SSX7: variants seen among roughly 807,000 people sequenced by gnomAD.
SSX7 encodes the protein protein SSX7.
SSX7 carries 15 observed loss-of-function variants against 14.7 expected under a neutral mutation model. The observed-to-expected ratio is 1.02, with a 90% CI of 0.68 to 1.58. The LOEUF is 1.58. Ranked by LOEUF, SSX7 falls within the 40% of genes most tolerant of loss-of-function variation. The pLI, the probability that SSX7 is intolerant of heterozygous loss-of-function variation, is 0.00. For synonymous variants in SSX7, 46 were observed against 50.6 expected (o/e 0.91, Z 0.38); for missense variants, 178 against 146.8 (o/e 1.21, Z -1.10).
At chrX:52,649,559 C>A (rs1484620170) in intron 5 of SSX7, among the ~76,000 whole-genome samples, 2 of 111,941 alleles carry the variant, frequency 1.8e-5, no homozygotes, top group African/African-American at 6.5e-5. Flanking sequence ...TGGGGTCACT[C>A]ATTCAGGGGC....
intron 6 of SSX7, among the ~76,000 whole-genome samples, chrX:52,647,604 C>T (rs1556766478): frequency 8.9e-6 from 1 of 111,818 alleles, no homozygotes; most frequent in African/African-American, 3.2e-5. Context: ...AGCCAGCAGC[C>T]ATCAACACCG....
chrX:52,646,802 G>C (rs1348200720), intron 6 of SSX7, among the ~76,000 whole-genome samples: 2 of 111,703 alleles, frequency 1.8e-5, no homozygotes, highest in African/African-American at 6.5e-5. Context: ...AGGAAGAGTC[G>C]CGTGTCTCAC....
intron 1 of SSX7, among the ~76,000 whole-genome samples, chrX:52,654,537 T>C (rs1166217108): frequency 9.3e-6 from 1 of 107,591 alleles, no homozygotes; most frequent in Non-Finnish European, 1.9e-5. Flanking sequence ...CCGGCCCAAA[T>C]TTGTTAAGTT....
chrX:52,647,077 T>C (rs1235327175), intron 6 of SSX7, among the ~76,000 whole-genome samples: 1 of 112,403 alleles, frequency 8.9e-6, no homozygotes, highest in Non-Finnish European at 1.9e-5. Flanking sequence ...GGATATTTGA[T>C]GAAACCAGCC....
Position 52,652,347 on chromosome X carries a change from C to G in SSX7, c.185G>C (p.Gly62Ala). ...KRKYEAMTKL[G>A]FKATLPPFMH... ...GAAAGGTGGGAGGGTGGCCTTGAAG[C>G]CTAGAAAGAAGCAAAATGTTTATTC... Residue 62 changes from glycine to alanine, a missense_variant and splice_region_variant, in exon 4 of 8, where the codon GGC becomes GCC. Transcript: ENST00000298181. The G allele has an allele frequency of 8.4e-7, 1 of 1,192,783 alleles. No homozygotes were observed. The highest frequency in any genetic ancestry group is 1.1e-6 in the Non-Finnish European group (1 of 879,979).
chrX:52,652,321 T>C lies in SSX7; in HGVS notation c.211A>G (p.Met71Val), dbSNP rs1479032244. 7 of 1,205,188 alleles carry C rather than the reference T, an allele frequency of 5.8e-6. No homozygotes were observed. The highest frequency in any genetic ancestry group is 7.8e-6 in the Non-Finnish European group (7 of 892,795). ...LGFKATLPPF[M>V]HNTGATDLQG... ...AGGTCTGTGGCCCCTGTATTATGCATGAAAGGTGGGAGGGTGGCCTTGAAG... is the reference window on the plus strand; with the variant it reads ...AGGTCTGTGGCCCCTGTATTATGCACGAAAGGTGGGAGGGTGGCCTTGAAG... Residue 71 changes from methionine (M) to valine (V), a missense_variant, in exon 4 of 8, where the codon ATG becomes GTG. Physicochemically the swap from Met to Val is conservative, Grantham distance 21. Transcript: ENST00000298181.
chrX:52,644,830 C>T (rs1236150614), intron 7 of SSX7, among the ~76,000 whole-genome samples, 160 bp from the exon 8 acceptor site: 3 of 111,502 alleles, frequency 2.7e-5, no homozygotes, highest in Admixed American at 1.9e-4. Context: ...GAACCATCCG[C>T]TCATGCCACA....
chrX:52,653,889 G>T (rs1556767391), intron 1 of SSX7, among the ~76,000 whole-genome samples: 1 of 111,267 alleles, frequency 9.0e-6, no homozygotes, highest in Admixed American at 9.7e-5. Flanking sequence ...AATAATGGAA[G>T]GGAAATGAGT....
intron 4 of SSX7, among the ~76,000 whole-genome samples, chrX:52,651,271 T>C (rs1444002860): frequency 2.7e-5 from 3 of 111,902 alleles, no homozygotes; most frequent in Non-Finnish European, 5.6e-5. Context: ...GCGATCTTTA[T>C]TACATAATGT....
chrX:52,648,593 C>T, intron 5 of SSX7, among the ~76,000 whole-genome samples, 197 bp from the exon 6 acceptor site: 1 of 111,696 alleles, frequency 9.0e-6, no homozygotes, highest in Admixed American at 9.6e-5. Context: ...GTTTCCAGGG[C>T]TAGAATGCTT....
In SSX7 at chrX:52,644,509, C is replaced by T; in HGVS notation, c.*166G>A. The T allele has an allele frequency of 2.5e-6, 2 of 815,094 alleles. No homozygotes were observed. The highest frequency in any genetic ancestry group is 3.6e-6 in the Non-Finnish European group (2 of 559,899). 67.2% of individuals were successfully genotyped at this position (815,094 alleles called of 1,213,427 possible). A position where few individuals can be genotyped will look rare whatever the true frequency, so the allele number is the denominator to read the frequency against. On this transcript the variant is annotated 3_prime_UTR_variant, in exon 8 of 8. Coordinates refer to ENST00000298181, the MANE Select transcript of SSX7 (RefSeq NM_173358.2). ...ATACAATGGAAACACTAACATCGAA[C>T]TCTTGTCACACTAAGAAAAACGACG...
In SSX7 at chrX:52,648,359, G is replaced by C; in HGVS notation, c.368C>G (p.Ser123Trp). 1 of 1,211,593 alleles carries C rather than the reference G, an allele frequency of 8.3e-7. No homozygotes were observed. Among genetic ancestry groups the C allele is most frequent in the Non-Finnish European group, 1.1e-6 (1 of 895,426 alleles). ...GCCAGATGCTTCTGGCACTCCCTTC[G>C]AATCATTTCCTTCCTCTGCTGGCTT... ...PKKPAEEGND[S>W]KGVPEASGSQ... The change falls in exon 6 of 8, where the codon TCG becomes TGG. Residue 123 changes from serine to tryptophan, a missense_variant. Physicochemically the swap from Ser to Trp is radical, Grantham distance 177 (BLOSUM62 -3). Coordinates refer to ENST00000298181, the MANE Select transcript of SSX7 (RefSeq NM_173358.2).
In SSX7 at chrX:52,650,420, A is replaced by C; in HGVS notation, c.281-18T>G. ...ACGTTCAACTGAAAGAGAATATATC[A>C]GAATTTTTCTTTGTTGGTAAAGATT... On this transcript the variant is annotated intron_variant, in intron 4 of 7. Transcript: ENST00000298181. The C allele has an allele frequency of 8.3e-7, 1 of 1,205,051 alleles. No individual in the cohort carries two copies. Among genetic ancestry groups the C allele is most frequent in the African/African-American group, 1.7e-5 (1 of 57,797 alleles).
In SSX7 at chrX:52,650,357, G is replaced by T; in HGVS notation, c.326C>A (p.Pro109Gln). 3 of 1,209,769 alleles carry T rather than the reference G, an allele frequency of 2.5e-6. No homozygotes were observed. The highest frequency in any genetic ancestry group is 3.4e-6 in the Non-Finnish European group (3 of 893,975). Residue 109 changes from proline (P) to glutamine (Q), a missense_variant, in exon 5 of 8, where the codon CCG becomes CAG. By Grantham distance (76) the Pro-to-Gln change is moderately conservative. Transcript: ENST00000298181. ...TTAGATCTGAGAGACACTCACCTTC[G>T]GGAAGATTCTCTGGAGCCTGCAAAA... The part of the protein sequence containing the change: ...MTFCRLQRIF[P>Q]KIMPKKPAEE...
intron 6 of SSX7, among the ~76,000 whole-genome samples, chrX:52,647,009 A>G (rs1476365827): frequency 8.9e-6 from 1 of 112,650 alleles, no homozygotes; most frequent in Non-Finnish European, 1.9e-5. Flanking sequence ...TCCAGTGAAC[A>G]CACGAATAAG....
At chrX:52,653,096 C>A in intron 2 of SSX7, 112 bp from the exon 3 acceptor site, 2 of 1,171,128 alleles carry the variant, frequency 1.7e-6, no homozygotes, top group Admixed American at 2.4e-5. Context: ...GATGCCATGG[C>A]TAACCGACAA....
Position 52,653,141 on chromosome X carries a change from A to C in SSX7, c.70-157T>G, listed in dbSNP as rs1925496114. On this transcript the variant is annotated intron_variant, in intron 2 of 7. Transcript: ENST00000298181. ...CCTTTCCTAGCTTCACCCCTGCCAC[A>C]CAGTAGGGCTTTAATGCTGCTGACT... 5.3e-6 allele frequency: 4 copies of C among 753,902 alleles called. No individual in the cohort carries two copies. In the South Asian group the frequency reaches 2.7e-4, roughly 51 times the overall value. 62.1% of individuals were successfully genotyped at this position (753,902 alleles called of 1,213,427 possible). A position where few individuals can be genotyped will look rare whatever the true frequency, so the allele number is the denominator to read the frequency against.
rs1556767232 is a variant in SSX7 at position 52,652,952 on chromosome X, C to G, written c.102G>C (p.Lys34Asn). The change falls in exon 3 of 8, where the codon AAG (lysine) becomes AAC (asparagine). Residue 34 changes from lysine (K) to asparagine (N), a missense_variant. Physicochemically the swap from Lys to Asn is moderately conservative, Grantham distance 94. Coordinates refer to ENST00000298181, the MANE Select transcript of SSX7 (RefSeq NM_173358.2). ...SFDDIAKYFS[K>N]KEWEKMKSLE... ...AGGATTTCATCTTTTCCCACTCTTT[C>G]TTAGAGAAGTATTTGGCAATATCAT... 1 of 1,202,563 alleles carries G rather than the reference C, an allele frequency of 8.3e-7. No individual in the cohort carries two copies. Among genetic ancestry groups the G allele is most frequent in the East Asian group, 3.0e-5 (1 of 33,351 alleles).
At chrX:52,647,102 A>C (rs1203687989) in intron 6 of SSX7, among the ~76,000 whole-genome samples, 1 of 112,578 alleles carries the variant, frequency 8.9e-6, no homozygotes, top group African/African-American at 3.2e-5. Context: ...CATTCCCTTA[A>C]GCCAAAGTCT....
Sources: gnomAD v4.1 joint callset for allele counts (sites outside exome capture counted in the v4.1 genomes callset) on GRCh38, gnomAD v4.1.1 for gene constraint, MANE v1.5 for transcripts, NCBI Gene and HGNC (gene_info 2026-07-23, HGNC 2026-07-21) for gene names.